The following MYO10 variants were observed in gnomAD, a reference collection of about 807,000 sequenced individuals.
The protein encoded by MYO10 is myosin X.
MYO10 carries 133 observed loss-of-function variants against 257.3 expected under a neutral mutation model. That is an observed-to-expected ratio of 0.52 (90% CI 0.45 to 0.60). The LOEUF (loss-of-function observed/expected upper bound fraction) is 0.60. MYO10 is among the 20% of genes least tolerant of loss of function. The pLI, the probability that MYO10 is intolerant of heterozygous loss-of-function variation, is 0.00. For synonymous variants in MYO10, 1,104 were observed against 1,028.6 expected (o/e 1.07, Z -1.40); for missense variants, 2,399 against 2,635.7 (o/e 0.91, Z 1.97).
chr5:16,898,413 CTTTTT>C (rs34185618), intron 1 of MYO10, among the ~76,000 whole-genome samples: 10 of 136,972 alleles, frequency 7.3e-5, no homozygotes, highest in African/African-American at 2.4e-4. Flanking sequence ...ATTTCTTTCT[CTTTTT>C]TTTTTTTTTT....
intron 2 of MYO10, among the ~76,000 whole-genome samples, chr5:16,851,918 G>T (rs1388700158): frequency 6.6e-6 from 1 of 152,000 alleles, no homozygotes; most frequent in African/African-American, 2.4e-5. Flanking sequence ...GGGCATGGTG[G>T]CAAGTGCCTG....
intron 2 of MYO10, among the ~76,000 whole-genome samples, chr5:16,836,836 T>C (rs1743326628): frequency 6.6e-6 from 1 of 152,134 alleles, no homozygotes; most frequent in Non-Finnish European, 1.5e-5. Flanking sequence ...AGCAATTCAC[T>C]CCTAGATATA....
intron 4 of MYO10, among the ~76,000 whole-genome samples, chr5:16,792,825 A>G (rs1189848219): frequency 6.6e-6 from 1 of 151,966 alleles, no homozygotes; most frequent in Admixed American, 6.5e-5. Flanking sequence ...TCTTACTTCC[A>G]CTGAATCGGA....
intron 1 of MYO10, among the ~76,000 whole-genome samples, chr5:16,909,272 G>A (rs866387672): frequency 6.6e-6 from 1 of 152,112 alleles, no homozygotes; most frequent in South Asian, 2.1e-4. Flanking sequence ...ACTTTGGGAG[G>A]CCGAGGTGGG....
At chr5:16,813,463 C>T (rs1240199653) in intron 3 of MYO10, among the ~76,000 whole-genome samples, 6 of 151,684 alleles carry the variant, frequency 4.0e-5, no homozygotes, top group Non-Finnish European at 8.8e-5. Flanking sequence ...GAGAGGATCA[C>T]TGGAGCCCAG....
chr5:16,865,394 T>C (rs1744215091), intron 2 of MYO10, among the ~76,000 whole-genome samples: 1 of 152,204 alleles, frequency 6.6e-6, no homozygotes, highest in Non-Finnish European at 1.5e-5. Context: ...GGATTCTCCA[T>C]TCCTAGAATC....
rs371729723 is a variant in MYO10 at position 16,701,416 on chromosome 5, G to A, written c.2979C>T (p.Val993=). The A allele has an allele frequency of 3.1e-5, 50 of 1,613,742 alleles. No individual in the cohort carries two copies. The African/African-American group carries it at 3.9e-4, about 12-fold the overall frequency. ...NFSQPYPEEE[V]DEGFEADDDA... ...CGTCGTCGGCTTCGAAGCCCTCATC[G>A]ACCTCCTCCTCTGGGTAGGGCTGGC... The change falls in exon 25 of 41, where the codon GTC becomes GTT. Residue 993 remains valine (V), a synonymous_variant. Transcript: ENST00000513610. The surrounding 1 kb of genome is among the most constrained non-coding windows in gnomAD (Gnocchi z 8.1).
At chr5:16,883,289 T>A (rs564344595) in intron 1 of MYO10, among the ~76,000 whole-genome samples, 201 of 152,172 alleles carry the variant, frequency 1.3e-3, no homozygotes, top group African/African-American at 4.7e-3. Flanking sequence ...CATTCCAGAG[T>A]AGGAAAGCCC....
intron 15 of MYO10, 130 bp from the exon 16 acceptor site, chr5:16,762,243 G>A (rs529561272): frequency 6.3e-5 from 76 of 1,199,224 alleles, no homozygotes; most frequent in Admixed American, 5.6e-4. Context: ...ATGGATCTGC[G>A]TTTCAGGACA....
Position 16,838,822 on chromosome 5 carries a change from C to T in MYO10, c.121-20655G>A, listed in dbSNP as rs1416237388. Reference sequence around the variant, plus strand: ...CAGTGCTCATTTACCATTCTGAAAACGTTAGAGCTCTTAAGAATTATGCTA... The same window carrying T: ...CAGTGCTCATTTACCATTCTGAAAATGTTAGAGCTCTTAAGAATTATGCTA... On this transcript the variant is annotated intron_variant, in intron 2 of 40. Transcript: ENST00000513610. Among the ~76,000 whole-genome samples the T allele has an allele frequency of 8.5e-5, 13 of 152,266 alleles. No individual in the cohort carries two copies. The East Asian group carries it at 1.5e-3, about 18-fold the overall frequency.
Position 16,699,808 on chromosome 5 carries a change from G to A in MYO10, c.3433-235C>T, listed in dbSNP as rs256931. 0.38 allele frequency among the ~76,000 whole-genome samples: 51,069 copies of A among 135,844 alleles called. 10,319 individuals are homozygous for A. The highest frequency in any genetic ancestry group is 0.55 in the African/African-American group (19,306 of 34,926). 89.1% of individuals were successfully genotyped at this position (135,844 alleles called of 152,430 possible). On this transcript the variant is annotated intron_variant, in intron 25 of 40. Transcript: ENST00000513610. The stretch of plus-strand genomic sequence containing the variant: ...TCTCAAAAAAAAAAAAAAAAAAAAA[G>A]GGAAAAGGAAAAAGAAAAAAAACAA...
intron 1 of MYO10, among the ~76,000 whole-genome samples, chr5:16,934,997 A>T (rs1321715012): frequency 6.6e-6 from 1 of 152,242 alleles, no homozygotes; most frequent in Non-Finnish European, 1.5e-5. Context: ...TTATTAAATA[A>T]ACACAACCAA....
chr5:16,694,443 T>C lies in MYO10; in HGVS notation c.3728A>G (p.Gln1243Arg). Residue 1243 changes from glutamine (Q) to arginine (R), a missense_variant, in exon 27 of 41, where the codon CAG (glutamine) becomes CGG (arginine). Physicochemically the swap from Gln to Arg is conservative, Grantham distance 43 (BLOSUM62 1). Coordinates refer to ENST00000513610, the MANE Select transcript of MYO10 (RefSeq NM_012334.3). The stretch of plus-strand genomic sequence containing the variant: ...GTTTTCAAAGTACATCAGCTTGGAC[T>C]GGCGGAGGACAAACCAGCGCTTCTT... Reference protein sequence around the residue: ...NWKKRWFVLRQSKLMYFENDS... With the variant: ...NWKKRWFVLRRSKLMYFENDS... 1 of 1,614,060 alleles carries C rather than the reference T, an allele frequency of 6.2e-7. No individual in the cohort carries two copies.
At chr5:16,829,157 G>T (rs149518916) in intron 2 of MYO10, among the ~76,000 whole-genome samples, 532 of 152,306 alleles carry the variant, frequency 3.5e-3, no homozygotes, top group South Asian at 6.4e-3. Context: ...GAGGGACACA[G>T]ATGCAAGGGT....
chr5:16,931,627 G>A (rs1333054147), intron 1 of MYO10, among the ~76,000 whole-genome samples: 1 of 126,800 alleles, frequency 7.9e-6, no homozygotes, highest in Non-Finnish European at 1.8e-5. Flanking sequence ...CCCCAACATA[G>A]CAGGGGGAAA....
chr5:16,865,850 A>G (rs1744230734), intron 2 of MYO10, among the ~76,000 whole-genome samples: 1 of 151,734 alleles, frequency 6.6e-6, no homozygotes, highest in Non-Finnish European at 1.5e-5. Context: ...AAAATAAATA[A>G]CAAACGGAGT....
At chr5:16,690,599 C>T (rs1411194983) in intron 27 of MYO10, among the ~76,000 whole-genome samples, 5 of 152,172 alleles carry the variant, frequency 3.3e-5, no homozygotes, top group Admixed American at 3.3e-4. Context: ...CCACTCCTGC[C>T]TGCAACTTCC....
intron 19 of MYO10, among the ~76,000 whole-genome samples, chr5:16,735,906 AC>A (rs1739777371): frequency 6.6e-6 from 1 of 152,056 alleles, no homozygotes; most frequent in Non-Finnish European, 1.5e-5. Context: ...ACATTTTTGC[AC>A]CCAACCCTCA....
chr5:16,837,995 A>G (rs1482156232), intron 2 of MYO10, among the ~76,000 whole-genome samples: 1 of 152,176 alleles, frequency 6.6e-6, no homozygotes, highest in East Asian at 1.9e-4. Context: ...CCCATACAAG[A>G]CAGTGAACCT....
Sources: gnomAD v4.1 joint callset for allele counts (sites outside exome capture counted in the v4.1 genomes callset) on GRCh38, gnomAD v4.1.1 for gene constraint, Gnocchi (gnomAD v3.1) non-coding constraint, MANE v1.5 for transcripts, NCBI Gene and HGNC (gene_info 2026-07-23, HGNC 2026-07-21) for gene names.